OXR1: variants seen among roughly 807,000 people sequenced by gnomAD.
The protein encoded by OXR1 is oxidation resistance protein 1.
In OXR1, 41 loss-of-function variants were observed where a neutral mutation model predicts 104.6. The ratio of observed to expected loss-of-function variants is 0.39; its 90% CI spans 0.31 to 0.51. The LOEUF (loss-of-function observed/expected upper bound fraction) is 0.51. Ranked by LOEUF, OXR1 falls within the 20% of genes least tolerant of loss-of-function variation. OXR1 has a pLI of 0.77. For missense variants in OXR1, 955 were observed against 1,031.9 expected, an observed-to-expected ratio of 0.93 and a Z score of 1.02; for synonymous variants, 348 against 348.4, an observed-to-expected ratio of 1.00 and a Z score of 0.01.
chr8:106,434,360 C>G (rs1819487723), intron 2 of OXR1, among the ~76,000 whole-genome samples: 1 of 152,068 alleles, frequency 6.6e-6, no homozygotes, highest in African/African-American at 2.4e-5. Flanking sequence ...AATTTTGTGA[C>G]AGAGTTGTAA....
intron 3 of OXR1, among the ~76,000 whole-genome samples, chr8:106,577,515 G>A (rs566340237): frequency 3.4e-5 from 5 of 146,758 alleles, no homozygotes; most frequent in East Asian, 2.1e-4. Flanking sequence ...TCAACCTCCC[G>A]AGTAGCTGGG....
At chr8:106,588,469 A>C (rs1818822339) in intron 3 of OXR1, among the ~76,000 whole-genome samples, 1 of 151,056 alleles carries the variant, frequency 6.6e-6, no homozygotes, top group African/African-American at 2.4e-5. Context: ...TTTATGTGCA[A>C]GAAATTCATA....
intron 1 of OXR1, among the ~76,000 whole-genome samples, chr8:106,344,240 T>C (rs992565117): frequency 2.6e-5 from 4 of 151,560 alleles, no homozygotes; most frequent in African/African-American, 9.7e-5. Flanking sequence ...TTGCAGCAGA[T>C]ATCTGCTTCC....
chr8:106,665,957 A>C (rs377598364), intron 3 of OXR1, among the ~76,000 whole-genome samples: 78 of 152,288 alleles, frequency 5.1e-4, no homozygotes, highest in African/African-American at 1.7e-3. Context: ...ATATAACAAA[A>C]AAAAAACTCA....
At chr8:106,363,313 G>C (rs952713006) in intron 2 of OXR1, among the ~76,000 whole-genome samples, 2 of 152,170 alleles carry the variant, frequency 1.3e-5, no homozygotes, top group African/African-American at 4.8e-5. Context: ...TAAAAGGTAC[G>C]TGCAGAATGT....
chr8:106,599,644 G>C (rs1443059900), intron 3 of OXR1, among the ~76,000 whole-genome samples: 3 of 152,214 alleles, frequency 2.0e-5, no homozygotes, highest in South Asian at 2.1e-4. Flanking sequence ...ATAAAGCGTA[G>C]AGGAAGGATT....
At chr8:106,743,855 C>T (rs185027919) in intron 15 of OXR1, among the ~76,000 whole-genome samples, 130 of 152,230 alleles carry the variant, frequency 8.5e-4, no homozygotes, top group South Asian at 2.3e-3. Context: ...AACCTAAATG[C>T]CCATCGATGA....
intron 2 of OXR1, among the ~76,000 whole-genome samples, chr8:106,390,360 G>A (rs1017032148): frequency 2.0e-5 from 3 of 152,156 alleles, no homozygotes; most frequent in Non-Finnish European, 4.4e-5. Flanking sequence ...GAGAAGGGGA[G>A]TGTATGGAAT....
chr8:106,500,813 T>C (rs1811762045), intron 2 of OXR1, among the ~76,000 whole-genome samples: 1 of 152,212 alleles, frequency 6.6e-6, no homozygotes, highest in Non-Finnish European at 1.5e-5. Flanking sequence ...ACAAAATTGC[T>C]ATATCATCTA....
intron 2 of OXR1, among the ~76,000 whole-genome samples, chr8:106,508,023 C>A (rs1285054250): frequency 6.6e-6 from 1 of 152,212 alleles, no homozygotes; most frequent in South Asian, 2.1e-4. Context: ...TCCATCTTAA[C>A]TCCTGCTCCC....
At chr8:106,743,824 C>T (rs1336372281) in intron 15 of OXR1, among the ~76,000 whole-genome samples, 5 of 152,142 alleles carry the variant, frequency 3.3e-5, no homozygotes. Context: ...GCACTATTCA[C>T]AATAGCAAAG....
chr8:106,652,481 T>G (rs2131020268), intron 3 of OXR1, among the ~76,000 whole-genome samples: 1 of 151,962 alleles, frequency 6.6e-6, no homozygotes, highest in African/African-American at 2.4e-5. Context: ...ATTTGGGAAA[T>G]TCACAAACAT....
At chr8:106,510,826 G>A (rs1170611593) in intron 2 of OXR1, among the ~76,000 whole-genome samples, 1 of 152,118 alleles carries the variant, frequency 6.6e-6, no homozygotes, top group African/African-American at 2.4e-5. Context: ...TGAATACAGG[G>A]TTAGAAACAC....
chr8:106,743,762 G>A (rs1835143964), intron 15 of OXR1, among the ~76,000 whole-genome samples: 1 of 152,156 alleles, frequency 6.6e-6, no homozygotes, highest in African/African-American at 2.4e-5. Context: ...TTTACCCAAA[G>A]GAATGTAAGT....
At chr8:106,740,956 T>C (rs1267493883) in intron 14 of OXR1, among the ~76,000 whole-genome samples, 1 of 152,118 alleles carries the variant, frequency 6.6e-6, no homozygotes, top group Non-Finnish European at 1.5e-5. Context: ...TCAGTTGTAA[T>C]TGGAAACTAA....
At chr8:106,616,260 A>G (rs1395026759) in intron 3 of OXR1, among the ~76,000 whole-genome samples, 2 of 115,248 alleles carry the variant, frequency 1.7e-5, no homozygotes, top group Non-Finnish European at 3.3e-5. Context: ...ACAGGGTTTC[A>G]TCATCTTAGC....
chr8:106,492,060 T>C (rs117174561), intron 2 of OXR1, among the ~76,000 whole-genome samples: 1 of 152,232 alleles, frequency 6.6e-6, no homozygotes, highest in Non-Finnish European at 1.5e-5. Flanking sequence ...TAACATTTTG[T>C]GTATGAAATA....
intron 1 of OXR1, among the ~76,000 whole-genome samples, chr8:106,352,109 AG>A (rs1297860328): frequency 6.6e-6 from 1 of 152,110 alleles, no homozygotes; most frequent in Non-Finnish European, 1.5e-5. Context: ...TAAACTGGAA[AG>A]GGGGGCTGGT....
chr8:106,667,120 C>T (rs1357515909), intron 3 of OXR1, among the ~76,000 whole-genome samples: 1 of 152,076 alleles, frequency 6.6e-6, no homozygotes, highest in Non-Finnish European at 1.5e-5. Flanking sequence ...AGCAATGAGT[C>T]CCAATGCAGG....
Sources: gnomAD v4.1 joint callset for allele counts (sites outside exome capture counted in the v4.1 genomes callset) on GRCh38, gnomAD v4.1.1 for gene constraint, MANE v1.5 for transcripts, NCBI Gene and HGNC (gene_info 2026-07-23, HGNC 2026-07-21) for gene names.